The following ADGRL2 variants were observed in gnomAD, a reference collection of about 807,000 sequenced individuals.
ADGRL2 encodes the protein adhesion G protein-coupled receptor L2.
Under a neutral mutation model 157.4 loss-of-function variants are expected in ADGRL2, and 44 were observed. The ratio of observed to expected loss-of-function variants is 0.28; its 90% CI spans 0.22 to 0.36. The LOEUF (loss-of-function observed/expected upper bound fraction) is 0.36, where lower values mean the gene tolerates loss of function less well. ADGRL2 is among the 10% of genes least tolerant of loss of function. The pLI, the probability that ADGRL2 is intolerant of heterozygous loss-of-function variation, is 1.00. For missense variants in ADGRL2, 1,510 were observed against 1,768.9 expected (o/e 0.85, Z 2.63); for synonymous variants, 585 against 624.7 (o/e 0.94, Z 0.95).
In ADGRL2 at chr1:81,735,656, G is replaced by A. The variant is rs578094056; in HGVS notation, c.-142-26155G>A. Among the ~76,000 whole-genome samples, 54 of 152,146 alleles carry A rather than the reference G, an allele frequency of 3.5e-4. 1 individual carries two copies. The South Asian group carries it at 6.0e-3, about 17-fold the overall frequency. ...AATACAAAAATTAGCCCAGCATGAT[G>A]GTGGATGCCTGTAATCCCAGCTACC... On this transcript the variant is annotated intron_variant, in intron 1 of 20. Transcript: ENST00000359929.
rs763760274 is a variant in ADGRL2, at chr1:81,987,368, C to T, written c.3637+339C>T. On this transcript the variant is annotated intron_variant, in intron 22 of 23. Coordinates refer to ENST00000686636, the MANE Select transcript of ADGRL2 (RefSeq NM_001366006.2). Reference sequence around the variant, plus strand: ...TATCCTATCTATATAATATACTGTTCAGTTAATTCTAAAGCTTGCTGACAA... The same window carrying T: ...TATCCTATCTATATAATATACTGTTTAGTTAATTCTAAAGCTTGCTGACAA... 8.1e-6 allele frequency: 11 copies of T among 1,353,112 alleles called. No homozygotes were observed. The South Asian group carries it at 1.3e-4, about 16-fold the overall frequency. The allele number at this position is 1,353,112 out of a possible 1,614,324, so 83.8% of individuals were successfully genotyped here.
chr1:81,854,602 A>G (rs142398428), intron 2 of ADGRL2, among the ~76,000 whole-genome samples: 1 of 152,318 alleles, frequency 6.6e-6, no homozygotes, highest in African/African-American at 2.4e-5. Flanking sequence ...AACATTTGCC[A>G]TGTGCTCAGA....
At chr1:81,517,030 C>T (rs1478652691) in intron 2 of ADGRL2, among the ~76,000 whole-genome samples, 1 of 152,046 alleles carries the variant, frequency 6.6e-6, no homozygotes, top group African/African-American at 2.4e-5. Context: ...GCCTTTAGCC[C>T]ATTTCAGCCA....
At chr1:81,760,978 A>G (rs967394358) in intron 1 of ADGRL2, among the ~76,000 whole-genome samples, 6 of 152,072 alleles carry the variant, frequency 3.9e-5, no homozygotes, top group African/African-American at 1.4e-4. Context: ...TTCCATATTT[A>G]GTATTCAAAT....
intron 2 of ADGRL2, among the ~76,000 whole-genome samples, chr1:81,472,163 T>A (rs1202324763): frequency 6.6e-6 from 1 of 152,148 alleles, no homozygotes; most frequent in East Asian, 1.9e-4. Context: ...CAAATAAAAA[T>A]AAACAAAAAA....
At chr1:81,391,874 A>C (rs1024473012) in intron 1 of ADGRL2, among the ~76,000 whole-genome samples, 1 of 152,174 alleles carries the variant, frequency 6.6e-6, no homozygotes, top group Non-Finnish European at 1.5e-5. Context: ...TAATATAATA[A>C]AAATATTAAG....
chr1:81,780,028 C>G (rs890333169), intron 2 of ADGRL2, among the ~76,000 whole-genome samples: 6 of 152,196 alleles, frequency 3.9e-5, no homozygotes, highest in Non-Finnish European at 7.3e-5. Flanking sequence ...AGCATCGTAT[C>G]TTTCCTTCTG....
intron 3 of ADGRL2, among the ~76,000 whole-genome samples, chr1:81,665,808 T>C (rs2082739505): frequency 6.6e-6 from 1 of 152,128 alleles, no homozygotes; most frequent in South Asian, 2.1e-4. Flanking sequence ...CTTCAGAGAA[T>C]GATGTTTATG....
chr1:81,441,662 C>T (rs1318988917), intron 1 of ADGRL2, among the ~76,000 whole-genome samples: 2 of 152,048 alleles, frequency 1.3e-5, no homozygotes, highest in African/African-American at 4.8e-5. Flanking sequence ...CTCAGCCTCC[C>T]GAGTTGCTGG....
chr1:81,839,117 G>A (rs953895175), intron 2 of ADGRL2, among the ~76,000 whole-genome samples: 21 of 152,036 alleles, frequency 1.4e-4, no homozygotes, highest in African/African-American at 4.8e-4. Context: ...GCATAGGAAG[G>A]CAGATATGAA....
intron 2 of ADGRL2, among the ~76,000 whole-genome samples, chr1:81,891,959 A>AGTGT (rs3221626): frequency 0.082 from 12,240 of 149,384 alleles, 626 homozygotes; most frequent in South Asian, 0.11. Flanking sequence ...GTGGCTAATA[A>AGTGT]GTGTGTGTGT....
intron 3 of ADGRL2, among the ~76,000 whole-genome samples, chr1:81,917,334 A>T (rs901124820): frequency 1.3e-5 from 2 of 152,150 alleles, no homozygotes; most frequent in African/African-American, 4.8e-5. Flanking sequence ...ATGGCATTTT[A>T]CTAATACATA....
chr1:81,647,916 G>A (rs1017943356), intron 3 of ADGRL2, among the ~76,000 whole-genome samples: 5 of 152,154 alleles, frequency 3.3e-5, no homozygotes, highest in African/African-American at 7.2e-5. Flanking sequence ...CCAGAAGCAC[G>A]GCCCTGCTTT....
At chr1:81,446,337 C>T (rs1369374370) in intron 2 of ADGRL2, among the ~76,000 whole-genome samples, 1 of 152,036 alleles carries the variant, frequency 6.6e-6, no homozygotes, top group East Asian at 1.9e-4. Context: ...AAAAAGGAAC[C>T]TACAAAACAA....
At chr1:81,932,034 C>A (rs1000911329) in intron 3 of ADGRL2, among the ~76,000 whole-genome samples, 2 of 152,098 alleles carry the variant, frequency 1.3e-5, no homozygotes, top group Non-Finnish European at 2.9e-5. Flanking sequence ...TATTGCCTTC[C>A]TAGAGTTGAG....
At chr1:81,578,560 C>A (rs1388478395) in intron 2 of ADGRL2, among the ~76,000 whole-genome samples, 1 of 152,006 alleles carries the variant, frequency 6.6e-6, no homozygotes, top group Non-Finnish European at 1.5e-5. Flanking sequence ...CCTTTTTAAC[C>A]TTTTCTTTTA....
intron 19 of ADGRL2, among the ~76,000 whole-genome samples, chr1:81,982,505 A>T (rs1661956662): frequency 6.6e-6 from 1 of 151,956 alleles, no homozygotes; most frequent in African/African-American, 2.4e-5. Flanking sequence ...CTTACAGATG[A>T]AAAGCTTTAA....
intron 1 of ADGRL2, among the ~76,000 whole-genome samples, chr1:81,365,133 T>C (rs1334009370): frequency 6.6e-6 from 1 of 152,150 alleles, no homozygotes; most frequent in African/African-American, 2.4e-5. Context: ...AGGCTTCCTG[T>C]CAGGACATTC....
intron 3 of ADGRL2, among the ~76,000 whole-genome samples, chr1:81,616,656 T>TTTC (rs1334065992): frequency 1.1e-5 from 1 of 87,448 alleles, no homozygotes; most frequent in African/African-American, 4.6e-5. Flanking sequence ...GTTTTTTTTT[T>TTTC]TTCTTTTCTT....
Sources: allele counts gnomAD v4.1 joint callset (sites outside exome capture counted in the v4.1 genomes callset), GRCh38; gene constraint gnomAD v4.1.1; transcripts MANE v1.5; gene names NCBI Gene and HGNC (gene_info 2026-07-23, HGNC 2026-07-21).